The following RABGAP1L variants were observed in gnomAD, a reference collection of about 807,000 sequenced individuals.
RABGAP1L encodes the protein rab GTPase-activating protein 1-like.
In RABGAP1L, 63 loss-of-function variants were observed where a neutral mutation model predicts 137.7. The ratio of observed to expected loss-of-function variants is 0.46; its 90% confidence interval spans 0.37 to 0.56. The LOEUF (loss-of-function observed/expected upper bound fraction) is 0.56. RABGAP1L is among the 20% of genes least tolerant of loss of function. The probability of loss-of-function intolerance (pLI) is 0.00; values close to 1 mark genes in which losing one functional copy is unlikely to be tolerated. For missense variants in RABGAP1L, 1,095 were observed against 1,244.0 expected (o/e 0.88, Z 1.80); for synonymous variants, 431 against 433.7 (o/e 0.99, Z 0.08).
intron 11 of RABGAP1L, among the ~76,000 whole-genome samples, chr1:174,307,341 A>C (rs1035854628): frequency 1.3e-5 from 2 of 152,346 alleles, no homozygotes; most frequent in South Asian, 4.1e-4. Context: ...TTAAACATGT[A>C]CAACTCAGTG....
In RABGAP1L at chr1:174,598,612, CTATT is replaced by C. The variant is rs374383615; in HGVS notation, c.1711-38759_1711-38756del. 3.5e-4 allele frequency among the ~76,000 whole-genome samples: 53 copies of C among 152,138 alleles called. 2 individuals are homozygous for C. The highest frequency in any genetic ancestry group is 1.0e-3 in the South Asian group (5 of 4,818). Reference sequence around the variant, plus strand: ...AGTGTTGATGCATATAAATTTATAACTATTTATCCTTTTGTCGAATTGACCCCTT... The same window carrying C: ...AGTGTTGATGCATATAAATTTATAACTATCCTTTTGTCGAATTGACCCCTT... On this transcript the variant is annotated intron_variant, in intron 13 of 25. Transcript: ENST00000681986.
chr1:174,202,481 T>C (rs1300413606), intron 1 of RABGAP1L, among the ~76,000 whole-genome samples: 4 of 152,168 alleles, frequency 2.6e-5, no homozygotes, highest in Non-Finnish European at 5.9e-5. Context: ...ATCCTTCGCC[T>C]ACTTTTTGAT....
At chr1:174,890,429 G>T (rs1655936606) in intron 19 of RABGAP1L, among the ~76,000 whole-genome samples, 1 of 152,186 alleles carries the variant, frequency 6.6e-6, no homozygotes, top group African/African-American at 2.4e-5. Context: ...AGTGTCAGCA[G>T]CCAGTAAGGT....
At chr1:174,779,777 T>C (rs898349481) in intron 18 of RABGAP1L, among the ~76,000 whole-genome samples, 7 of 152,198 alleles carry the variant, frequency 4.6e-5, no homozygotes, top group Admixed American at 1.3e-4. Context: ...ACTGAACTCC[T>C]TTCTTTTGAA....
rs1452210643 is a variant in RABGAP1L, at chr1:174,636,452, C to T, written c.1711-923C>T. Among the ~76,000 whole-genome samples, 8 of 151,514 alleles carry T rather than the reference C, an allele frequency of 5.3e-5. No homozygotes were observed. The South Asian group carries it at 8.4e-4, about 16-fold the overall frequency. On this transcript the variant is annotated intron_variant, in intron 13 of 25. Transcript: ENST00000681986. ...CTGAGGCAGGAGAATCGCTTGAACC[C>T]GGGAGGCGGAGGTTGCGGTGAGCCA... is the stretch of plus-strand genomic sequence containing the variant.
intron 13 of RABGAP1L, among the ~76,000 whole-genome samples, chr1:174,571,626 G>T (rs1194019710): frequency 6.6e-6 from 1 of 152,036 alleles, no homozygotes; most frequent in Non-Finnish European, 1.5e-5. Context: ...GTGTATGCAT[G>T]CAATATAAAT....
intron 19 of RABGAP1L, among the ~76,000 whole-genome samples, chr1:174,913,228 G>T (rs1467513809): frequency 6.6e-6 from 1 of 151,990 alleles, no homozygotes; most frequent in Non-Finnish European, 1.5e-5. Context: ...TGCCCACCTT[G>T]GCCTCCCAAA....
At chr1:174,391,991 C>T (rs1324407994) in intron 12 of RABGAP1L, among the ~76,000 whole-genome samples, 2 of 152,156 alleles carry the variant, frequency 1.3e-5, no homozygotes, top group Non-Finnish European at 2.9e-5. Flanking sequence ...TCCTGGCTCT[C>T]TTGTGGCATA....
chr1:174,240,279 C>T (rs540529013), intron 4 of RABGAP1L, among the ~76,000 whole-genome samples: 2 of 152,242 alleles, frequency 1.3e-5, no homozygotes, highest in South Asian at 2.1e-4. Flanking sequence ...CACAGTTTCA[C>T]TCTGTTCCCC....
At chr1:174,548,660 C>CCTCA in intron 13 of RABGAP1L, 5 of 738,374 alleles carry the variant, frequency 6.8e-6, no homozygotes, top group Non-Finnish European at 8.3e-6. Context: ...GCTAGGTTCC[C>CCTCA]CTCATTTTGC....
rs58364331 is a variant in RABGAP1L, at chr1:174,434,459, G to A, written c.1710+40314G>A. Among the ~76,000 whole-genome samples the A allele has an allele frequency of 2.3e-3, 352 of 152,254 alleles. 13 individuals carry two copies. The East Asian group carries it at 0.052, about 22-fold the overall frequency. ...AAGATTTTTATGCAAGTCTTTTGTG[G>A]ACAATATGTTTTCCTTTCTATTGGA... On this transcript the variant is annotated intron_variant, in intron 13 of 25. Transcript: ENST00000681986.
intron 1 of RABGAP1L, among the ~76,000 whole-genome samples, chr1:174,176,601 A>G (rs942988504): frequency 2.7e-5 from 4 of 150,850 alleles, no homozygotes; most frequent in Non-Finnish European, 3.0e-5. Flanking sequence ...AGTCCCAACT[A>G]CTTGGGAGGC....
intron 13 of RABGAP1L, among the ~76,000 whole-genome samples, chr1:174,502,261 G>A (rs1661344408): frequency 6.6e-6 from 1 of 151,550 alleles, no homozygotes; most frequent in Admixed American, 6.6e-5. Context: ...ATATTACATA[G>A]GCAATAATTG....
At chr1:174,161,336 G>C (rs1352237342) in intron 1 of RABGAP1L, among the ~76,000 whole-genome samples, 1 of 151,872 alleles carries the variant, frequency 6.6e-6, no homozygotes, top group East Asian at 1.9e-4. Context: ...TCCGCCTCCC[G>C]GGTTCAAGCG....
At chr1:174,286,618 C>T (rs1676074336) in intron 10 of RABGAP1L, among the ~76,000 whole-genome samples, 1 of 151,382 alleles carries the variant, frequency 6.6e-6, no homozygotes, top group Non-Finnish European at 1.5e-5. Flanking sequence ...GTTTTTTTTC[C>T]CCTAGTTTGC....
At chr1:174,426,600 C>T (rs900101522) in intron 13 of RABGAP1L, among the ~76,000 whole-genome samples, 29 of 151,826 alleles carry the variant, frequency 1.9e-4, no homozygotes, top group African/African-American at 6.8e-4. Context: ...AACTAGAAGT[C>T]GATTTATCTT....
At chr1:174,757,074 C>G (rs1426757320) in intron 18 of RABGAP1L, 7 of 519,264 alleles carry the variant, frequency 1.3e-5, no homozygotes, top group Non-Finnish European at 2.7e-5. Context: ...GGCTTTTCCC[C>G]CACGGACTCT....
At chr1:174,410,779 T>C (rs1649834878) in intron 13 of RABGAP1L, among the ~76,000 whole-genome samples, 1 of 152,174 alleles carries the variant, frequency 6.6e-6, no homozygotes, top group African/African-American at 2.4e-5. Flanking sequence ...CTGTGAAAAC[T>C]AATGTTGGTA....
chr1:174,925,994 G>A (rs1662780897), intron 19 of RABGAP1L, among the ~76,000 whole-genome samples: 1 of 148,482 alleles, frequency 6.7e-6, no homozygotes, highest in Non-Finnish European at 1.5e-5. Flanking sequence ...CTCCCAAGTA[G>A]CTGGGTCTAC....
Sources: gnomAD v4.1 joint callset for allele counts (sites outside exome capture counted in the v4.1 genomes callset) on GRCh38, gnomAD v4.1.1 for gene constraint, MANE v1.5 for transcripts, NCBI Gene and HGNC (gene_info 2026-07-23, HGNC 2026-07-21) for gene names.